PLXNA4: variants seen among roughly 807,000 people sequenced by gnomAD.
The protein encoded by PLXNA4 is plexin A4.
In PLXNA4, 44 loss-of-function variants were observed where a neutral mutation model predicts 191.8. That is an observed-to-expected ratio of 0.23 (90% CI 0.18 to 0.29). PLXNA4 has a LOEUF of 0.29. Ranked by LOEUF, PLXNA4 falls within the 10% of genes least tolerant of loss-of-function variation. The pLI is 1.00. For missense variants in PLXNA4, 1,800 were observed against 2,488.8 expected (o/e 0.72, Z 5.89); for synonymous variants, 1,082 against 1,009.5 (o/e 1.07, Z -1.36).
intron 1 of PLXNA4, among the ~76,000 whole-genome samples, chr7:132,516,380 A>C (rs912385283): frequency 3.9e-5 from 6 of 152,166 alleles, no homozygotes; most frequent in African/African-American, 1.2e-4. Context: ...ACCAGCTGGA[A>C]TATCATAAAA....
At chr7:132,318,814 G>T (rs1323702542) in intron 3 of PLXNA4, among the ~76,000 whole-genome samples, 2 of 152,108 alleles carry the variant, frequency 1.3e-5, no homozygotes, top group Admixed American at 6.5e-5. Flanking sequence ...TCTGTTCTGT[G>T]GTGTATATGT....
intron 2 of PLXNA4, among the ~76,000 whole-genome samples, chr7:132,642,890 G>A (rs1022829031): frequency 6.6e-6 from 1 of 152,152 alleles, no homozygotes; most frequent in Non-Finnish European, 1.5e-5. Flanking sequence ...AGAAAGTGCT[G>A]GATGCAAAAC....
chr7:132,617,642 A>T (rs997336230), intron 2 of PLXNA4, among the ~76,000 whole-genome samples: 2 of 152,150 alleles, frequency 1.3e-5, no homozygotes, highest in African/African-American at 4.8e-5. Context: ...TCCTCCCATG[A>T]AATCTAAAAC....
intron 5 of PLXNA4, among the ~76,000 whole-genome samples, chr7:132,229,014 G>T (rs575337329): frequency 6.6e-6 from 1 of 152,000 alleles, no homozygotes; most frequent in African/African-American, 2.4e-5. Context: ...ATAGCACCTC[G>T]GAGTCTCCTA....
intron 3 of PLXNA4, among the ~76,000 whole-genome samples, chr7:132,488,181 G>T (rs992118250): frequency 1.6e-4 from 25 of 152,106 alleles, no homozygotes; most frequent in African/African-American, 6.0e-4. Context: ...ACACTCTGGG[G>T]TGCCCGCCTC....
intron 3 of PLXNA4, among the ~76,000 whole-genome samples, chr7:132,474,214 TCACACACACA>T (rs56832356): frequency 2.9e-4 from 41 of 140,294 alleles, no homozygotes; most frequent in Admixed American, 8.5e-4. Context: ...TCTCTCTGTC[TCACACACACA>T]CACACACACA....
Position 132,227,592 on chromosome 7 carries a change from T to C in PLXNA4, c.1741A>G (p.Thr581Ala). Residue 581 changes from threonine (T) to alanine (A), a missense_variant, in exon 7 of 32, where the codon ACG becomes GCG. By Grantham distance (58) the Thr-to-Ala change is moderately conservative. Transcript: ENST00000321063. ...GCTGACAGCTCCGGGACATTGTACG[T>C]CTCCAGGACCAGCTGTGAACAGCCA... is the stretch of plus-strand genomic sequence containing the variant. The part of the protein sequence containing the change: ...SQYNVLLVLE[T>A]YNVPELSAGV... 1 of 1,613,720 alleles carries C rather than the reference T, an allele frequency of 6.2e-7. No individual in the cohort carries two copies. Among genetic ancestry groups the C allele is most frequent in the East Asian group, 2.2e-5 (1 of 44,852 alleles).
In PLXNA4 at chr7:132,347,458, T is replaced by A. The variant is rs765345302; in HGVS notation, c.1372-49236A>T. On this transcript the variant is annotated intron_variant, in intron 3 of 31. Coordinates refer to ENST00000321063, the MANE Select transcript of PLXNA4 (RefSeq NM_020911.2). ...AAGCCGGCATGTGTTGCAGCTGATG[T>A]GGGATGGGTAAAAGGGAACAAAAGG... is the stretch of plus-strand genomic sequence containing the variant. Among the ~76,000 whole-genome samples, 7 of 152,148 alleles carry A rather than the reference T, an allele frequency of 4.6e-5. No homozygotes were observed. The East Asian group carries it at 5.8e-4, about 13-fold the overall frequency.
At chr7:132,588,296 C>A (rs778086185) in intron 2 of PLXNA4, among the ~76,000 whole-genome samples, 1 of 151,908 alleles carries the variant, frequency 6.6e-6, no homozygotes, top group African/African-American at 2.4e-5. Flanking sequence ...CTTAAATGAC[C>A]TGAACAATGG....
intron 3 of PLXNA4, among the ~76,000 whole-genome samples, chr7:132,355,165 A>G (rs920559117): frequency 2.6e-5 from 4 of 152,146 alleles, no homozygotes; most frequent in African/African-American, 9.7e-5. Flanking sequence ...CTGGTAAGGA[A>G]GGCTGCTTAG....
chr7:132,137,180 A>G (rs537836312), intron 30 of PLXNA4, among the ~76,000 whole-genome samples: 5 of 152,286 alleles, frequency 3.3e-5, no homozygotes, highest in African/African-American at 1.2e-4. Context: ...ATTTGACTGG[A>G]TGGTTTCCAT....
At chr7:132,476,062 C>A (rs528453312) in intron 3 of PLXNA4, among the ~76,000 whole-genome samples, 1 of 152,240 alleles carries the variant, frequency 6.6e-6, no homozygotes, top group Non-Finnish European at 1.5e-5. Flanking sequence ...TGGGTGCCTC[C>A]CTGTGCGTGG....
chr7:132,562,661 T>C (rs1460192692), intron 1 of PLXNA4, among the ~76,000 whole-genome samples: 99 of 58,418 alleles, frequency 1.7e-3, no homozygotes, highest in Middle Eastern at 0.016. Context: ...TCCTCCTCCT[T>C]CTCTTCCTCC....
intron 2 of PLXNA4, among the ~76,000 whole-genome samples, chr7:132,595,050 T>C (rs114174965): frequency 0.012 from 1,838 of 149,602 alleles, 25 homozygotes; most frequent in Middle Eastern, 0.041. Flanking sequence ...GACAGATAGA[T>C]AGAGAGCTTT....
In PLXNA4 at chr7:132,167,458, A is replaced by C. The variant is rs1237244621; in HGVS notation, c.4286+846T>G. Reference sequence around the variant, plus strand: ...TCAAACTTTAATATGGATTGGGATAAACTGGGTTCCTCACTAAAATGCAGG... The same window carrying C: ...TCAAACTTTAATATGGATTGGGATACACTGGGTTCCTCACTAAAATGCAGG... On this transcript the variant is annotated intron_variant, in intron 22 of 31. Transcript: ENST00000321063. Among the ~76,000 whole-genome samples, 3 of 152,268 alleles carry C rather than the reference A, an allele frequency of 2.0e-5. No individual in the cohort carries two copies. In the East Asian group the frequency reaches 5.8e-4, roughly 29 times the overall value.
chr7:132,433,345 C>A (rs1165583487), intron 3 of PLXNA4, among the ~76,000 whole-genome samples: 1 of 152,182 alleles, frequency 6.6e-6, no homozygotes. Flanking sequence ...GGACAGGAAG[C>A]CTTCTACCCT....
intron 3 of PLXNA4, among the ~76,000 whole-genome samples, chr7:132,355,969 G>T (rs745823260): frequency 6.6e-5 from 10 of 152,154 alleles, no homozygotes; most frequent in Admixed American, 3.3e-4. Flanking sequence ...GGCAGCTGAT[G>T]CAGGTTTAAG....
intron 1 of PLXNA4, among the ~76,000 whole-genome samples, chr7:132,510,962 T>C (rs984616900): frequency 2.0e-5 from 3 of 152,046 alleles, no homozygotes; most frequent in African/African-American, 7.2e-5. Context: ...GAAATGAAAT[T>C]GTAGAGGAAA....
At chr7:132,334,252 C>CTTTCT (rs1554417000) in intron 3 of PLXNA4, among the ~76,000 whole-genome samples, 4,183 of 76,030 alleles carry the variant, frequency 0.055, 216 homozygotes, top group Admixed American at 0.097. Context: ...TTCTTTCTTT[C>CTTTCT]TTTTTTTTTT....
Sources: allele counts gnomAD v4.1 joint callset (sites outside exome capture counted in the v4.1 genomes callset), GRCh38; gene constraint gnomAD v4.1.1; transcripts MANE v1.5; gene names NCBI Gene and HGNC (gene_info 2026-07-23, HGNC 2026-07-21).